The following RBFOX2 variants were observed in gnomAD, a reference collection of about 807,000 sequenced individuals.
The protein encoded by RBFOX2 is RNA binding protein fox-1 homolog 2.
In RBFOX2, 10 loss-of-function variants were observed where a neutral mutation model predicts 49.1. That is an observed-to-expected ratio of 0.20 (90% CI 0.13 to 0.35). RBFOX2 has a LOEUF of 0.35. Among genes scored for constraint, RBFOX2 ranks in the 10% least tolerant of loss-of-function variants. RBFOX2 has a pLI of 1.00. For missense variants in RBFOX2, 323 were observed against 486.9 expected (o/e 0.66, Z 3.17); for synonymous variants, 183 against 187.4 (o/e 0.98, Z 0.19).
chr22:35,895,328 G>A (rs1197527459), intron 1 of RBFOX2, among the ~76,000 whole-genome samples: 1 of 152,140 alleles, frequency 6.6e-6, no homozygotes, highest in Non-Finnish European at 1.5e-5. Flanking sequence ...CTTTAAACAT[G>A]AATGAAGCAA....
At chr22:35,807,122 G>C (rs1950898411) in intron 2 of RBFOX2, among the ~76,000 whole-genome samples, 1 of 151,866 alleles carries the variant, frequency 6.6e-6, no homozygotes. Context: ...TTTAAATTTT[G>C]TTAAATAAGA....
chr22:36,016,390 C>T (rs760803125), intron 1 of RBFOX2, among the ~76,000 whole-genome samples: 6 of 152,116 alleles, frequency 3.9e-5, no homozygotes, highest in Admixed American at 2.0e-4. Flanking sequence ...GAGAGTCCCA[C>T]GGCCACACCA....
exon 1 of RBFOX2, chr22:35,840,470 C>A (rs1185852510): frequency 7.1e-7 from 1 of 1,408,018 alleles, no homozygotes; most frequent in Non-Finnish European, 9.2e-7. Context: ...TGAAGGAAGC[C>A]CCACCCCTGA....
intron 1 of RBFOX2, among the ~76,000 whole-genome samples, chr22:35,982,128 A>C (rs2057485375): frequency 1.3e-5 from 2 of 152,030 alleles, no homozygotes; most frequent in South Asian, 4.2e-4. Context: ...ATTCTTCTCC[A>C]ACCCACATAA....
At chr22:35,987,879 T>C (rs754728159) in intron 1 of RBFOX2, among the ~76,000 whole-genome samples, 5 of 152,192 alleles carry the variant, frequency 3.3e-5, no homozygotes, top group Non-Finnish European at 7.3e-5. Flanking sequence ...TTTTCTTTTG[T>C]CAAAGAACAA....
chr22:35,913,444 G>A (rs956626849), intron 1 of RBFOX2, among the ~76,000 whole-genome samples: 5 of 151,348 alleles, frequency 3.3e-5, no homozygotes, highest in South Asian at 2.1e-4. Context: ...TTAAGGGAGC[G>A]CCTAACAGGA....
At chr22:35,890,938 C>G (rs2047165021) in intron 1 of RBFOX2, among the ~76,000 whole-genome samples, 1 of 152,044 alleles carries the variant, frequency 6.6e-6, no homozygotes, top group African/African-American at 2.4e-5. Context: ...CTCATGGTTG[C>G]TTTCCTCACC....
At chr22:35,913,510 CAT>C (rs1439766215) in intron 1 of RBFOX2, among the ~76,000 whole-genome samples, 3 of 140,508 alleles carry the variant, frequency 2.1e-5, no homozygotes, top group African/African-American at 8.1e-5. Context: ...TGTGTGTATA[CAT>C]ATATAATTAT....
intron 4 of RBFOX2, among the ~76,000 whole-genome samples, chr22:35,776,891 T>TTTTC (rs1233009757): frequency 6.6e-6 from 1 of 152,198 alleles, no homozygotes; most frequent in Non-Finnish European, 1.5e-5. Flanking sequence ...CTTTTTTTTT[T>TTTTC]TTTCACAACA....
At chr22:35,939,073 A>G, upstream of RBFOX2, 1 of 701,692 alleles carries the variant, frequency 1.4e-6, no homozygotes, top group Non-Finnish European at 2.6e-6. Context: ...CTACACTGGC[A>G]AAAACAAAAA....
chr22:35,884,382 A>G (rs1419280756), intron 1 of RBFOX2, among the ~76,000 whole-genome samples: 2 of 152,160 alleles, frequency 1.3e-5, no homozygotes, highest in Non-Finnish European at 2.9e-5. Context: ...TGGATCAGAA[A>G]TCCAGCTGGG....
intron 1 of RBFOX2, among the ~76,000 whole-genome samples, chr22:35,814,233 C>G (rs1171650392): frequency 6.6e-6 from 1 of 152,064 alleles, no homozygotes; most frequent in Non-Finnish European, 1.5e-5. Context: ...CCTCCCAGCC[C>G]CCGCCCACCA....
exon 2 of RBFOX2, chr22:35,809,948 G>A (rs745474613): frequency 1.2e-6 from 2 of 1,614,106 alleles, no homozygotes; most frequent in East Asian, 2.2e-5. Flanking sequence ...GTGGAAATGG[G>A]ATGGTAGTAA....
At chr22:35,751,622 T>G (rs925909372) in intron 9 of RBFOX2, among the ~76,000 whole-genome samples, 30 of 152,322 alleles carry the variant, frequency 2.0e-4, no homozygotes, top group African/African-American at 7.2e-4. Context: ...AGTTCTTTTG[T>G]GGCAAAATGG....
At position 35,809,768 on chromosome 22, in the gene RBFOX2, T is replaced by C. The variant is rs775693857; in HGVS notation, c.252+12A>G. 1 of 1,612,048 alleles carries C rather than the reference T, an allele frequency of 6.2e-7. No individual in the cohort carries two copies. Among genetic ancestry groups the C allele is most frequent in the East Asian group, 2.2e-5 (1 of 44,878 alleles). ...ATGCATCCTTCCATTTTTCACCTCA[T>C]GGTCCACGTACCGTAAGAGATCCAT... On this transcript the variant is annotated intron_variant, in intron 2 of 11. Coordinates refer to ENST00000405409, the Ensembl canonical transcript of RBFOX2.
chr22:35,766,683 G>T (rs577260620), intron 5 of RBFOX2, among the ~76,000 whole-genome samples: 26 of 152,106 alleles, frequency 1.7e-4, no homozygotes, highest in African/African-American at 6.0e-4. Context: ...ACAAATAAAA[G>T]AAAGAAAAAA....
exon 12 of RBFOX2, chr22:35,739,344 G>A (rs1281853900): frequency 1.3e-5 from 2 of 152,346 alleles, no homozygotes; most frequent in South Asian, 2.1e-4. Context: ...AGAGACTCAG[G>A]TAGGTCAGCC....
intron 1 of RBFOX2, among the ~76,000 whole-genome samples, chr22:35,974,753 C>A (rs543543691): frequency 6.6e-6 from 1 of 152,240 alleles, no homozygotes; most frequent in Admixed American, 6.5e-5. Flanking sequence ...ACAATCCTAA[C>A]ACTACTTTCA....
At chr22:35,825,314 T>A (rs554235005) in intron 1 of RBFOX2, among the ~76,000 whole-genome samples, 3 of 151,950 alleles carry the variant, frequency 2.0e-5, no homozygotes, top group Non-Finnish European at 4.4e-5. Flanking sequence ...TAGACATTTC[T>A]CAAGGGTTTG....
Sources: gnomAD v4.1 joint callset for allele counts (sites outside exome capture counted in the v4.1 genomes callset) on GRCh38, gnomAD v4.1.1 for gene constraint, MANE v1.5 for transcripts, NCBI Gene and HGNC (gene_info 2026-07-23, HGNC 2026-07-21) for gene names.